Variants in DOK6 observed in about 807,000 individuals in gnomAD.
DOK6 encodes docking protein 6.
Under a neutral mutation model 44.0 loss-of-function variants are expected in DOK6, and 22 were observed. The ratio of observed to expected loss-of-function variants is 0.50; its 90% CI spans 0.36 to 0.71. The LOEUF is 0.71. Ranked by LOEUF, DOK6 falls within the 30% of genes least tolerant of loss-of-function variation. DOK6 has a pLI of 0.00. For missense variants in DOK6, 340 were observed against 416.4 expected, an observed-to-expected ratio of 0.82 and a Z score of 1.60; for synonymous variants, 166 against 145.5, an observed-to-expected ratio of 1.14 and a Z score of -1.01.
At chr18:69,594,569 T>C (rs1983696446) in intron 2 of DOK6, among the ~76,000 whole-genome samples, 1 of 144,880 alleles carries the variant, frequency 6.9e-6, no homozygotes, top group Admixed American at 7.1e-5. Flanking sequence ...GCACTAGAAG[T>C]CCTAGCCAGA....
At chr18:69,675,361 T>C (rs1985896974) in intron 3 of DOK6, among the ~76,000 whole-genome samples, 1 of 152,234 alleles carries the variant, frequency 6.6e-6, no homozygotes, top group South Asian at 2.1e-4. Context: ...CCAAGGTGCT[T>C]TGACATATTT....
intron 1 of DOK6, among the ~76,000 whole-genome samples, chr18:69,563,160 G>A (rs1187851988): frequency 6.6e-6 from 1 of 152,168 alleles, no homozygotes; most frequent in Non-Finnish European, 1.5e-5. Flanking sequence ...AACAGGTGCT[G>A]GAGAGGATGT....
Position 69,628,724 on chromosome 18 carries a change from C to A in DOK6, c.289+29226C>A, listed in dbSNP as rs148102256. Among the ~76,000 whole-genome samples, 4 of 152,220 alleles carry A rather than the reference C, an allele frequency of 2.6e-5. No homozygotes were observed. The South Asian group carries it at 6.2e-4, about 24-fold the overall frequency. ...GAATACCTTTGTAAACATCTCTGAG[C>A]GTATCTCTAAACTGGAGTTCTGAAG... is the stretch of plus-strand genomic sequence containing the variant. On this transcript the variant is annotated intron_variant, in intron 3 of 7. Transcript: ENST00000382713.
At chr18:69,531,576 T>C (rs1451894061) in intron 1 of DOK6, among the ~76,000 whole-genome samples, 2 of 152,040 alleles carry the variant, frequency 1.3e-5, no homozygotes, top group Non-Finnish European at 2.9e-5. Flanking sequence ...CCACCTCTTA[T>C]GAAGTCCAGA....
intron 1 of DOK6, among the ~76,000 whole-genome samples, chr18:69,495,819 A>G (rs1181588609): frequency 6.6e-6 from 1 of 152,154 alleles, no homozygotes; most frequent in African/African-American, 2.4e-5. Flanking sequence ...TCCTATGCTC[A>G]TCAGCACCCA....
intron 1 of DOK6, among the ~76,000 whole-genome samples, chr18:69,541,407 A>G (rs1411382701): frequency 2.6e-5 from 4 of 151,500 alleles, no homozygotes; most frequent in Non-Finnish European, 5.9e-5. Flanking sequence ...TGATGTATGT[A>G]TATTATCCAC....
At chr18:69,828,742 T>C (rs933704813) in intron 7 of DOK6, among the ~76,000 whole-genome samples, 11 of 150,986 alleles carry the variant, frequency 7.3e-5, no homozygotes, top group African/African-American at 2.7e-4. Flanking sequence ...AATTAAATGA[T>C]AGGCAGTTTT....
Position 69,729,155 on chromosome 18 carries a change from G to A in DOK6, c.600-9810G>A, listed in dbSNP as rs147787903. ...AAACACATATATATAATATATACAT[G>A]CACATATATACATGTACACATTCAT... On this transcript the variant is annotated intron_variant, in intron 5 of 7. Transcript: ENST00000382713. Among the ~76,000 whole-genome samples the A allele has an allele frequency of 5.3e-3, 806 of 152,052 alleles. 4 individuals carry two copies. The highest frequency in any genetic ancestry group is 0.017 in the African/African-American group (724 of 41,430).
rs185187449 is a variant in DOK6 at position 69,794,143 on chromosome 18, T to C, written c.856+36270T>C. On this transcript the variant is annotated intron_variant, in intron 7 of 7. Coordinates refer to ENST00000382713, the MANE Select transcript of DOK6 (RefSeq NM_152721.6). ...AATAATCCTGTTATGTGTCTTATGG[T>C]GGTCATCACTTGGATCCTGCCTACT... is the stretch of plus-strand genomic sequence containing the variant. Among the ~76,000 whole-genome samples, 406 of 152,286 alleles carry C rather than the reference T, an allele frequency of 2.7e-3. 1 individual carries two copies. The highest frequency in any genetic ancestry group is 2.3e-3 in the Non-Finnish European group (159 of 68,006).
chr18:69,450,441 A>G (rs1227223556), intron 1 of DOK6, among the ~76,000 whole-genome samples: 1 of 100,186 alleles, frequency 1.0e-5, no homozygotes, highest in Non-Finnish European at 2.0e-5. Context: ...TGATTGGTGT[A>G]CCTGAAAGTG....
chr18:69,643,014 GTTGAGGAAAAGCTCT>G, intron 3 of DOK6, among the ~76,000 whole-genome samples: 1 of 152,244 alleles, frequency 6.6e-6, no homozygotes, highest in Admixed American at 6.5e-5. Context: ...GTACATACAT[GTTGAGGAAAAGCTCT>G]TTACATACTT....
chr18:69,612,457 G>GGGCGCA (rs1984176945), intron 3 of DOK6, among the ~76,000 whole-genome samples: 1 of 146,408 alleles, frequency 6.8e-6, no homozygotes, highest in Non-Finnish European at 1.5e-5. Flanking sequence ...ATGTGTGCGA[G>GGGCGCA]CGTGCATATG....
At chr18:69,740,708 A>C (rs1978771309) in intron 6 of DOK6, among the ~76,000 whole-genome samples, 1 of 152,206 alleles carries the variant, frequency 6.6e-6, no homozygotes, top group African/African-American at 2.4e-5. Context: ...GGCATGTAAT[A>C]GTTCTACTCA....
rs527301262 is a variant in DOK6, at chr18:69,805,388, A to G, written c.857-35856A>G. On this transcript the variant is annotated intron_variant, in intron 7 of 7. Coordinates refer to ENST00000382713, the MANE Select transcript of DOK6 (RefSeq NM_152721.6). Reference sequence around the variant, plus strand: ...GAAGGCCCTTGTGAGGTTTTATGAAAGAAGTGAGTAATGAGAAATAATGGC... The same window carrying G: ...GAAGGCCCTTGTGAGGTTTTATGAAGGAAGTGAGTAATGAGAAATAATGGC... Among the ~76,000 whole-genome samples the G allele has an allele frequency of 3.3e-5, 5 of 152,298 alleles. No homozygotes were observed. In the South Asian group the frequency reaches 8.3e-4, roughly 25 times the overall value.
chr18:69,739,203 G>T, intron 6 of DOK6, 100 bp downstream of exon 6: 1 of 1,503,324 alleles, frequency 6.7e-7, no homozygotes. Flanking sequence ...CAGCGCCTGG[G>T]TGTCCACCCT....
chr18:69,518,010 T>C (rs1326240253), intron 1 of DOK6, among the ~76,000 whole-genome samples: 2 of 152,176 alleles, frequency 1.3e-5, no homozygotes, highest in Non-Finnish European at 2.9e-5. Flanking sequence ...TTAACTTCTC[T>C]TGGTGGCTTG....
chr18:69,617,312 GAA>G (rs999389174), intron 3 of DOK6, among the ~76,000 whole-genome samples: 1 of 137,006 alleles, frequency 7.3e-6, no homozygotes, highest in Admixed American at 7.6e-5. Flanking sequence ...ACAAAGAAAA[GAA>G]AAGAGAGAGA....
At chr18:69,753,940 T>C (rs1483438660) in intron 6 of DOK6, among the ~76,000 whole-genome samples, 1 of 152,130 alleles carries the variant, frequency 6.6e-6, no homozygotes, top group Non-Finnish European at 1.5e-5. Context: ...ATACATTGTT[T>C]AGAAATAATC....
Position 69,777,012 on chromosome 18 carries a change from G to GGGGGGAT in DOK6, c.856+19141_856+19142insGGGATGG, listed in dbSNP as rs1555670325. On this transcript the variant is annotated intron_variant, in intron 7 of 7. Coordinates refer to ENST00000382713, the MANE Select transcript of DOK6 (RefSeq NM_152721.6). ...TGGGGACTGTTGTTGGGTGGGGGGA[G>GGGGGGAT]GGATAGCATTAGGAGGTATACCTAA... is the stretch of plus-strand genomic sequence containing the variant. 3.0e-3 allele frequency among the ~76,000 whole-genome samples: 329 copies of GGGGGGAT among 108,052 alleles called. 4 individuals are homozygous for GGGGGGAT. The highest frequency in any genetic ancestry group is 0.011 in the African/African-American group (308 of 29,182). The allele number at this position is 108,052 out of a possible 152,430, so 70.9% of individuals were successfully genotyped here.
Sources: allele counts gnomAD v4.1 joint callset (sites outside exome capture counted in the v4.1 genomes callset), GRCh38; gene constraint gnomAD v4.1.1; transcripts MANE v1.5; gene names NCBI Gene and HGNC (gene_info 2026-07-23, HGNC 2026-07-21).